Variants in SNPH observed in about 807,000 individuals in gnomAD.
SNPH encodes the protein syntaphilin.
A neutral mutation model predicts 36.8 loss-of-function variants in SNPH; 10 were observed. The observed-to-expected ratio is 0.27, with a 90% CI of 0.17 to 0.46. SNPH has a LOEUF of 0.46. Ranked by LOEUF, SNPH falls within the 20% of genes least tolerant of loss-of-function variation. SNPH has a pLI of 1.00. For synonymous variants in SNPH, 281 were observed against 312.2 expected (o/e 0.90, Z 1.05); for missense variants, 622 against 744.0 (o/e 0.84, Z 1.91).
In SNPH at chr20:1,268,253, C is replaced by T. The variant is rs371201598; in HGVS notation, c.-493+1493C>T. Among the ~76,000 whole-genome samples the T allele has an allele frequency of 3.9e-5, 6 of 152,196 alleles. No homozygotes were observed. The South Asian group carries it at 8.3e-4, about 21-fold the overall frequency. ...AGCCCAGCATTGGGTTTGGAAAATC[C>T]TGGCATCCAAGGGCGGAGTCTCTGA... On this transcript the variant is annotated intron_variant, in intron 2 of 6. Coordinates refer to ENST00000381867, the MANE Select transcript of SNPH (RefSeq NM_001318234.2).
At chr20:1,271,941 A>G (rs949567292) in intron 2 of SNPH, among the ~76,000 whole-genome samples, 3 of 152,204 alleles carry the variant, frequency 2.0e-5, no homozygotes, top group Non-Finnish European at 4.4e-5. Context: ...GCATTTGGGA[A>G]TCCATCCTCG....
intron 2 of SNPH, among the ~76,000 whole-genome samples, chr20:1,271,605 G>C (rs905049638): frequency 6.6e-6 from 1 of 152,198 alleles, no homozygotes; most frequent in African/African-American, 2.4e-5. Context: ...GCCTCCCAAA[G>C]TGTCTTTCTT....
intron 2 of SNPH, among the ~76,000 whole-genome samples, chr20:1,272,852 A>G (rs2088088679): frequency 6.6e-6 from 1 of 152,218 alleles, no homozygotes; most frequent in South Asian, 2.1e-4. Context: ...CCCTTTTGGC[A>G]GCACTGTCAG....
rs759799754 is a variant in SNPH, at chr20:1,304,527, C to G, written c.441-351C>G. On this transcript the variant is annotated intron_variant, in intron 6 of 6. Transcript: ENST00000381867. The surrounding 1 kb of genome is among the most constrained non-coding windows in gnomAD (Gnocchi z 4.3). ...TAGCAGTAGCTATAAAACTTATGAG[C>G]ATCTTTGTTGTCTAGTCTCTTCTCT... Among the ~76,000 whole-genome samples, 6 of 150,766 alleles carry G rather than the reference C, an allele frequency of 4.0e-5. No homozygotes were observed. Among genetic ancestry groups the G allele is most frequent in the Non-Finnish European group, 8.9e-5 (6 of 67,786 alleles).
chr20:1,296,623 G>C (rs1355626256), intron 4 of SNPH, among the ~76,000 whole-genome samples: 1 of 152,226 alleles, frequency 6.6e-6, no homozygotes, highest in Non-Finnish European at 1.5e-5. Context: ...AGAGTTCTCG[G>C]AAGGTGTAAA....
intron 2 of SNPH, among the ~76,000 whole-genome samples, chr20:1,274,563 G>A (rs2088109557): frequency 6.6e-6 from 1 of 152,154 alleles, no homozygotes; most frequent in Non-Finnish European, 1.5e-5. Flanking sequence ...CAAGCAGTGG[G>A]TGCTGCTGGC....
At chr20:1,272,777 C>A (rs1356067869) in intron 2 of SNPH, among the ~76,000 whole-genome samples, 1 of 152,264 alleles carries the variant, frequency 6.6e-6, no homozygotes, top group Non-Finnish European at 1.5e-5. Flanking sequence ...TTTAGCCTGA[C>A]TTTGGCAGCT....
rs143556506 is a variant in SNPH at position 1,304,050 on chromosome 20, G to C, written c.441-828G>C. Among the ~76,000 whole-genome samples, 126 of 151,930 alleles carry C rather than the reference G, an allele frequency of 8.3e-4. No individual in the cohort carries two copies. Among genetic ancestry groups the C allele is most frequent in the African/African-American group, 2.8e-3 (116 of 41,234 alleles). On this transcript the variant is annotated intron_variant, in intron 6 of 6. Transcript: ENST00000381867. This position sits in a 1 kb window ranked among gnomAD's most constrained non-coding sequence, Gnocchi z 4.3. Reference sequence around the variant, plus strand: ...CCCTTGCACCCCTGGATTCATCTGTGACTCGGGAATTTGAAAAGCCTGAGC... The same window carrying C: ...CCCTTGCACCCCTGGATTCATCTGTCACTCGGGAATTTGAAAAGCCTGAGC...
chr20:1,275,298 G>A (rs1252062881), intron 2 of SNPH, among the ~76,000 whole-genome samples: 2 of 152,210 alleles, frequency 1.3e-5, no homozygotes, highest in Non-Finnish European at 2.9e-5. Context: ...ATGATCTGTT[G>A]TGGTCCCCTG....
At chr20:1,291,292 G>A (rs1170093257) in intron 2 of SNPH, among the ~76,000 whole-genome samples, 1 of 152,246 alleles carries the variant, frequency 6.6e-6, no homozygotes, top group Admixed American at 6.5e-5. Flanking sequence ...GGCGCCTCAT[G>A]TGTGGTCCCA....
chr20:1,300,863 C>T (rs796445774), intron 6 of SNPH, 152 bp downstream of exon 6: 25 of 803,290 alleles, frequency 3.1e-5, no homozygotes, highest in Middle Eastern at 3.7e-4. Context: ...CTCATTTGAG[C>T]CCACTTGCAG....
intron 2 of SNPH, among the ~76,000 whole-genome samples, chr20:1,270,615 A>G (rs956482806): frequency 1.3e-5 from 2 of 152,200 alleles, no homozygotes; most frequent in African/African-American, 2.4e-5. Flanking sequence ...CTGTAACACA[A>G]TTTTGATGGA....
At chr20:1,274,467 C>T (rs990396032) in intron 2 of SNPH, among the ~76,000 whole-genome samples, 31 of 152,194 alleles carry the variant, frequency 2.0e-4, no homozygotes, top group African/African-American at 7.5e-4. Context: ...GAATTCTTGC[C>T]ATAGGATGGA....
chr20:1,282,293 T>A (rs2088234863), intron 2 of SNPH, among the ~76,000 whole-genome samples: 1 of 152,236 alleles, frequency 6.6e-6, no homozygotes, highest in African/African-American at 2.4e-5. Flanking sequence ...TGTAACATTA[T>A]TTTTGATAGA....
At position 1,286,576 on chromosome 20, in the gene SNPH, C is replaced by G. The variant is rs6041144; in HGVS notation, c.-492-8375C>G. Among the ~76,000 whole-genome samples, 1,035 of 152,296 alleles carry G rather than the reference C, an allele frequency of 6.8e-3. 15 individuals are homozygous for G. The highest frequency in any genetic ancestry group is 0.023 in the African/African-American group (973 of 41,550). ...TTGGCTTCCAACAGGAGCGGCATGC[C>G]TGGAACTGTTGGTGGGATTAGAATG... On this transcript the variant is annotated intron_variant, in intron 2 of 6. Transcript: ENST00000381867.
rs563771326 is a variant in SNPH, at chr20:1,308,994, G to A, written c.*2940G>A. 6.6e-6 allele frequency: 1 copy of A among 152,380 alleles called. No individual in the cohort carries two copies. Among genetic ancestry groups the A allele is most frequent in the African/African-American group, 2.4e-5 (1 of 41,556 alleles). The allele number at this position is 152,380 out of a possible 1,614,324, so 9.4% of individuals were successfully genotyped here. A position where few individuals can be genotyped will look rare whatever the true frequency, so the allele number is the denominator to read the frequency against. ...AGATTTCTCCCAAGGGGATCACTTA[G>A]CTTCTCACTGACACACCCTTCCCAA... is the stretch of plus-strand genomic sequence containing the variant. On this transcript the variant is annotated 3_prime_UTR_variant, in exon 7 of 7. Transcript: ENST00000381867.
At position 1,266,922 on chromosome 20, in the gene SNPH, T is replaced by G. The variant is rs1347822777; in HGVS notation, c.-493+162T>G. Among the ~76,000 whole-genome samples, 1 of 152,132 alleles carries G rather than the reference T, an allele frequency of 6.6e-6. No homozygotes were observed. The highest frequency in any genetic ancestry group is 2.1e-4 in the South Asian group (1 of 4,836). On this transcript the variant is annotated intron_variant, in intron 2 of 6. Coordinates refer to ENST00000381867, the MANE Select transcript of SNPH (RefSeq NM_001318234.2). The surrounding 1 kb of genome is among the most constrained non-coding windows in gnomAD (Gnocchi z 6.0). ...CCCTCCCTTCATTCCCCTACATCCC[T>G]TTAAGCGCTTCCCTCCCTCCCCCTC...
chr20:1,305,071 G>T lies in SNPH; in HGVS notation c.634G>T (p.Val212Leu). 2 of 1,614,072 alleles carry T rather than the reference G, an allele frequency of 1.2e-6. No individual in the cohort carries two copies. Among genetic ancestry groups the T allele is most frequent in the Non-Finnish European group, 1.7e-6 (2 of 1,180,048 alleles). The change falls in exon 7 of 7, where the codon GTG becomes TTG. Residue 212 changes from valine to leucine, a missense_variant. Around this residue, in one of 3 missense-constraint regions of SNPH, gnomAD observed 56 missense variants for 106.6 expected, o/e 0.53. Transcript: ENST00000381867. ...GGACAAGGGGCTGCAGAAGTACTTCGTGGACATCAACATCCAGAACAAGAA... is the reference window on the plus strand; with the variant it reads ...GGACAAGGGGCTGCAGAAGTACTTCTTGGACATCAACATCCAGAACAAGAA... ...DKDKGLQKYF[V>L]DINIQNKKLE... is the part of the protein sequence containing the mutation.
chr20:1,266,613 G>A lies in SNPH; in HGVS notation c.-599-41G>A. 1 of 1,443,944 alleles carries A rather than the reference G, an allele frequency of 6.9e-7. No homozygotes were observed. The highest frequency in any genetic ancestry group is 9.1e-7 in the Non-Finnish European group (1 of 1,102,678). The allele number at this position is 1,443,944 out of a possible 1,614,324, so 89.4% of individuals were successfully genotyped here. A position where few individuals can be genotyped will look rare whatever the true frequency, so the allele number is the denominator to read the frequency against. On this transcript the variant is annotated intron_variant, in intron 1 of 6. Coordinates refer to ENST00000381867, the MANE Select transcript of SNPH (RefSeq NM_001318234.2). This position sits in a 1 kb window ranked among gnomAD's most constrained non-coding sequence, Gnocchi z 6.0. Reference sequence around the variant, plus strand: ...AGCTGCCTGGGTGTTCCCCGCCCGCGCTCACCCGCCCCGGTCTATCTCTTT... The same window carrying A: ...AGCTGCCTGGGTGTTCCCCGCCCGCACTCACCCGCCCCGGTCTATCTCTTT...
Sources: allele counts gnomAD v4.1 joint callset (sites outside exome capture counted in the v4.1 genomes callset), GRCh38; gene constraint gnomAD v4.1.1; regional missense constraint gnomAD v4.1.1; non-coding constraint Gnocchi (gnomAD v3.1); transcripts MANE v1.5; gene names NCBI Gene and HGNC (gene_info 2026-07-23, HGNC 2026-07-21).